Variants in TBC1D8 observed in about 807,000 individuals in gnomAD.
TBC1D8 encodes the protein BUB2-like protein 1.
A neutral mutation model predicts 118.8 loss-of-function variants in TBC1D8; 65 were observed. That is an observed-to-expected ratio of 0.55 (90% CI 0.45 to 0.67). The LOEUF (loss-of-function observed/expected upper bound fraction) is 0.67, where lower values mean the gene tolerates loss of function less well. Ranked by LOEUF, TBC1D8 falls within the 30% of genes least tolerant of loss-of-function variation. TBC1D8 has a pLI of 0.00. For synonymous variants in TBC1D8, 566 were observed against 595.8 expected (o/e 0.95, Z 0.73); for missense variants, 1,376 against 1,471.2 (o/e 0.94, Z 1.06).
intron 1 of TBC1D8, among the ~76,000 whole-genome samples, chr2:101,131,618 T>C (rs1432790434): frequency 6.6e-6 from 1 of 150,556 alleles, no homozygotes; most frequent in African/African-American, 2.4e-5. Context: ...ATTGAGACCA[T>C]CCTGGCTAAT....
intron 19 of TBC1D8, among the ~76,000 whole-genome samples, chr2:101,010,528 G>C (rs1043150606): frequency 1.3e-5 from 2 of 151,774 alleles, no homozygotes. Context: ...ATGATGTTCC[G>C]CTACCTGGAC....
chr2:101,014,378 T>A (rs1005637375), intron 17 of TBC1D8, among the ~76,000 whole-genome samples: 1 of 152,218 alleles, frequency 6.6e-6, no homozygotes, highest in Admixed American at 6.5e-5. Flanking sequence ...CAGGACTGCT[T>A]AACTGTTAAA....
chr2:101,038,733 G>A (rs750705259), intron 6 of TBC1D8, 78 bp from the exon 7 acceptor site: 23 of 1,486,320 alleles, frequency 1.5e-5, no homozygotes, highest in East Asian at 2.3e-5. Flanking sequence ...AAGATGTCCC[G>A]AAACAGAGGG....
intron 17 of TBC1D8, among the ~76,000 whole-genome samples, chr2:101,013,071 T>C (rs1388033050): frequency 6.6e-6 from 1 of 151,992 alleles, no homozygotes; most frequent in African/African-American, 2.4e-5. Flanking sequence ...ACCAACAAAA[T>C]GTGATGGGAG....
Position 101,090,199 on chromosome 2 carries a change from C to G in TBC1D8, c.283+10G>C. On this transcript the variant is annotated intron_variant, in intron 2 of 19. Transcript: ENST00000409318. ...AAGGTTTGGAACATTCCAACTGGAACAAAACTCACCAGTGGCTATGGCCCA... is the reference window on the plus strand; with the variant it reads ...AAGGTTTGGAACATTCCAACTGGAAGAAAACTCACCAGTGGCTATGGCCCA... 2 of 1,609,416 alleles carry G rather than the reference C, an allele frequency of 1.2e-6. No homozygotes were observed. Among genetic ancestry groups the G allele is most frequent in the Admixed American group, 1.7e-5 (1 of 59,146 alleles).
chr2:101,151,146 C>T lies in TBC1D8; in HGVS notation c.108G>A (p.Glu36=). ...FILQRRRGHG[E]GGGRLTGRLV... is the part of the protein sequence containing the mutation. The stretch of plus-strand genomic sequence containing the variant: ...CCTTACCGGTGAGGCGGCCGCCCCC[C>T]TCGCCGTGCCCGCGGCGCCGCTGCA... The change falls in exon 1 of 20, where the codon GAG becomes GAA. Residue 36 remains glutamate, a synonymous_variant. Transcript: ENST00000409318. The T allele has an allele frequency of 8.4e-7, 1 of 1,195,396 alleles. No homozygotes were observed. The allele number at this position is 1,195,396 out of a possible 1,614,324, so 74.0% of individuals were successfully genotyped here. A position where few individuals can be genotyped will look rare whatever the true frequency, so the allele number is the denominator to read the frequency against.
At chr2:101,145,186 G>C (rs1679269581) in intron 1 of TBC1D8, among the ~76,000 whole-genome samples, 1 of 152,084 alleles carries the variant, frequency 6.6e-6, no homozygotes, top group Non-Finnish European at 1.5e-5. Flanking sequence ...TCCGTGCCTT[G>C]TTTGATTATC....
At chr2:101,092,857 T>A (rs902127824) in intron 1 of TBC1D8, among the ~76,000 whole-genome samples, 3 of 152,070 alleles carry the variant, frequency 2.0e-5, no homozygotes, top group African/African-American at 7.2e-5. Flanking sequence ...TGCCTCCAGG[T>A]CCCCTCAGTG....
At chr2:101,097,943 T>C (rs374350028) in intron 1 of TBC1D8, among the ~76,000 whole-genome samples, 3 of 152,208 alleles carry the variant, frequency 2.0e-5, no homozygotes, top group African/African-American at 7.2e-5. Flanking sequence ...TAGATTAATT[T>C]AGAATTTATA....
intron 1 of TBC1D8, among the ~76,000 whole-genome samples, chr2:101,131,800 G>A (rs1678605019): frequency 6.6e-6 from 1 of 152,068 alleles, no homozygotes; most frequent in Non-Finnish European, 1.5e-5. Flanking sequence ...GGGCGACAGA[G>A]CGAGACTCTG....
chr2:101,029,625 C>CTGA lies in TBC1D8; in HGVS notation c.2087_2088insTCA (p.Ala696_Val697insGln), dbSNP rs1558634101. On this transcript the variant is annotated inframe_insertion, in exon 12 of 20. Coordinates refer to ENST00000409318, the MANE Select transcript of TBC1D8 (RefSeq NM_001330348.2). ...AGAAGAAGCAGTCTACCACATTCAC[C>CTGA]GCACTCTCTAGAGGCATGATGCTGA... The CTGA allele has an allele frequency of 6.2e-7, 1 of 1,613,958 alleles. No homozygotes were observed. The highest frequency in any genetic ancestry group is 8.5e-7 in the Non-Finnish European group (1 of 1,179,892).
At chr2:101,060,433 C>T (rs1189565300) in intron 2 of TBC1D8, among the ~76,000 whole-genome samples, 1 of 152,020 alleles carries the variant, frequency 6.6e-6, no homozygotes, top group East Asian at 1.9e-4. Flanking sequence ...TAGCAATGAC[C>T]GTTAAAAACA....
At chr2:101,021,291 C>G (rs535538651) in intron 17 of TBC1D8, among the ~76,000 whole-genome samples, 10 of 152,312 alleles carry the variant, frequency 6.6e-5, no homozygotes, top group African/African-American at 2.4e-4. Flanking sequence ...AAAACATGGT[C>G]TGATGCACTA....
rs566846663 is a variant in TBC1D8 at position 101,115,328 on chromosome 2, CTT to C, written c.128-24966_128-24965del. On this transcript the variant is annotated intron_variant, in intron 1 of 19. Transcript: ENST00000409318. Reference sequence around the variant, plus strand: ...ATTTAATAAGATGGAGTGGAGGAGACTTAGCAGGAGCAATTTACTTCCTCAGA... The same window carrying C: ...ATTTAATAAGATGGAGTGGAGGAGACAGCAGGAGCAATTTACTTCCTCAGA... Among the ~76,000 whole-genome samples, 927 of 152,300 alleles carry C rather than the reference CTT, an allele frequency of 6.1e-3. 8 individuals are homozygous for C. The highest frequency in any genetic ancestry group is 7.7e-3 in the Non-Finnish European group (524 of 68,026).
intron 2 of TBC1D8, among the ~76,000 whole-genome samples, chr2:101,073,303 T>TA (rs1300295193): frequency 3.3e-4 from 49 of 150,660 alleles, no homozygotes; most frequent in African/African-American, 7.8e-4. Flanking sequence ...TTTATTTATT[T>TA]TTTTTTTTGG....
intron 1 of TBC1D8, among the ~76,000 whole-genome samples, chr2:101,110,807 C>CA (rs1553421701): frequency 1.3e-5 from 2 of 151,846 alleles, no homozygotes; most frequent in Non-Finnish European, 2.9e-5. Context: ...CCCATCTCTA[C>CA]AAAAAATACA....
At chr2:101,048,110 CA>C (rs1233813129) in intron 5 of TBC1D8, among the ~76,000 whole-genome samples, 6 of 152,378 alleles carry the variant, frequency 3.9e-5, no homozygotes, top group African/African-American at 1.2e-4. Context: ...GCCCCACACA[CA>C]CAGGGAGAGG....
At chr2:101,061,466 C>T (rs1682747972) in intron 2 of TBC1D8, among the ~76,000 whole-genome samples, 1 of 152,176 alleles carries the variant, frequency 6.6e-6, no homozygotes, top group African/African-American at 2.4e-5. Context: ...AAGTTTAAAA[C>T]AGTGGTGCCT....
At position 101,090,380 on chromosome 2, in the gene TBC1D8, GAAGA is replaced by G; in HGVS notation, c.128-20_128-17del. ...ACCAGGCGACCTTCAAAAGAAAAGA[GAAGA>G]AAGTGCACCTGTGAGCATGGGGCTG... On this transcript the variant is annotated splice_polypyrimidine_tract_variant and intron_variant, in intron 1 of 19. Transcript: ENST00000409318. 1 of 1,613,514 alleles carries G rather than the reference GAAGA, an allele frequency of 6.2e-7. No homozygotes were observed. Among genetic ancestry groups the G allele is most frequent in the Non-Finnish European group, 8.5e-7 (1 of 1,179,770 alleles).
Sources: gnomAD v4.1 joint callset for allele counts (sites outside exome capture counted in the v4.1 genomes callset) on GRCh38, gnomAD v4.1.1 for gene constraint, MANE v1.5 for transcripts, NCBI Gene and HGNC (gene_info 2026-07-23, HGNC 2026-07-21) for gene names.